RAP1GAP2: variants seen among roughly 807,000 people sequenced by gnomAD.
The protein encoded by RAP1GAP2 is RAP1 GTPase activating protein 2, also known as rap1 GTPase-activating protein 2.
Under a neutral mutation model 95.0 loss-of-function variants are expected in RAP1GAP2, and 27 were observed. That is an observed-to-expected ratio of 0.28 (90% confidence interval 0.21 to 0.39). The LOEUF (loss-of-function observed/expected upper bound fraction) is 0.39, where lower values mean the gene tolerates loss of function less well. Ranked by LOEUF, RAP1GAP2 falls within the 10% of genes least tolerant of loss-of-function variation. The probability of loss-of-function intolerance (pLI) is 1.00; values close to 1 mark genes in which losing one functional copy is unlikely to be tolerated. For missense variants in RAP1GAP2, 771 were observed against 970.0 expected (o/e 0.79, Z 2.72); for synonymous variants, 373 against 380.9 (o/e 0.98, Z 0.24).
chr17:3,007,463 C>A (rs546962729), intron 16 of RAP1GAP2, among the ~76,000 whole-genome samples: 1 of 152,288 alleles, frequency 6.6e-6, no homozygotes, highest in South Asian at 2.1e-4. Context: ...GTTGGGAAGA[C>A]TTGGTGGACT....
At chr17:2,834,432 G>A (rs2071042212) in intron 2 of RAP1GAP2, among the ~76,000 whole-genome samples, 1 of 152,178 alleles carries the variant, frequency 6.6e-6, no homozygotes, top group African/African-American at 2.4e-5. Context: ...GCAGTTGGGT[G>A]GGAAGAGGAT....
intron 16 of RAP1GAP2, 141 bp from the exon 17 acceptor site, chr17:3,007,870 G>T (rs2046384891): frequency 1.0e-6 from 1 of 1,003,790 alleles, no homozygotes; most frequent in East Asian, 2.6e-5. Context: ...ACGAAGCTCA[G>T]CTCAGCAGTA....
At position 2,904,801 on chromosome 17, in the gene RAP1GAP2, G is replaced by T. The variant is rs886403814; in HGVS notation, c.81-483G>T. Among the ~76,000 whole-genome samples the T allele has an allele frequency of 6.6e-6, 1 of 152,150 alleles. No individual in the cohort carries two copies. The highest frequency in any genetic ancestry group is 6.5e-5 in the Admixed American group (1 of 15,270). On this transcript the variant is annotated intron_variant, in intron 2 of 24. Transcript: ENST00000254695. This position sits in a 1 kb window ranked among gnomAD's most constrained non-coding sequence, Gnocchi z 4.7. ...TCCCAGGTGCCGCTGGTGGTCCAGG[G>T]ACCATACTTAGAGTAGCACTGCTTT...
intron 1 of RAP1GAP2, among the ~76,000 whole-genome samples, chr17:2,784,066 G>T (rs1407225477): frequency 6.6e-6 from 1 of 152,092 alleles, no homozygotes; most frequent in South Asian, 2.1e-4. Context: ...TCTACCTCCC[G>T]GGTTTAAGTG....
At chr17:2,973,337 G>A (rs1214756008) in intron 8 of RAP1GAP2, among the ~76,000 whole-genome samples, 2 of 152,028 alleles carry the variant, frequency 1.3e-5, no homozygotes, top group Non-Finnish European at 2.9e-5. Flanking sequence ...CCAATGTGGC[G>A]AAACCCTGTC....
chr17:2,800,425 T>C (rs1176039972), intron 1 of RAP1GAP2, 90 bp from the exon 2 acceptor site: 13 of 1,455,826 alleles, frequency 8.9e-6, no homozygotes, highest in African/African-American at 7.0e-5. Flanking sequence ...GTCTGGTGGT[T>C]TGGGCTGTCC....
In RAP1GAP2 at chr17:2,965,520, C is replaced by T. The variant is rs1473095139; in HGVS notation, c.493-20C>T. ...AAGGTTTCTTCCTCCTTCCTGCTCA[C>T]ACTCAGTTTCTTTTTTTAGGATCAT... On this transcript the variant is annotated intron_variant, in intron 7 of 24. Transcript: ENST00000254695. This position sits in a 1 kb window ranked among gnomAD's most constrained non-coding sequence, Gnocchi z 4.7. The T allele has an allele frequency of 4.4e-6, 7 of 1,583,968 alleles. No individual in the cohort carries two copies. The highest frequency in any genetic ancestry group is 6.0e-6 in the Non-Finnish European group (7 of 1,160,626).
chr17:2,887,961 G>A (rs79473877), intron 2 of RAP1GAP2, among the ~76,000 whole-genome samples: 6,746 of 152,212 alleles, frequency 0.044, 198 homozygotes, highest in Middle Eastern at 0.068. Flanking sequence ...AGTGTGAACC[G>A]CTGCGCCTGG....
At chr17:2,882,804 TTG>T (rs1394974188) in intron 2 of RAP1GAP2, among the ~76,000 whole-genome samples, 1 of 152,080 alleles carries the variant, frequency 6.6e-6, no homozygotes, top group African/African-American at 2.4e-5. Flanking sequence ...GGCGAGGACT[TTG>T]TGATACCATG....
intron 8 of RAP1GAP2, among the ~76,000 whole-genome samples, chr17:2,974,193 A>G (rs1166395689): frequency 6.6e-6 from 1 of 151,474 alleles, no homozygotes; most frequent in Non-Finnish European, 1.5e-5. Flanking sequence ...TACAAAAAAA[A>G]AAAAAATTAG....
intron 2 of RAP1GAP2, among the ~76,000 whole-genome samples, chr17:2,834,084 G>A (rs1050961842): frequency 1.3e-5 from 2 of 152,150 alleles, no homozygotes; most frequent in African/African-American, 4.8e-5. Flanking sequence ...GTCTTTTGCT[G>A]AGAATAACCT....
At chr17:2,892,026 G>A (rs2073743393) in intron 2 of RAP1GAP2, among the ~76,000 whole-genome samples, 1 of 151,894 alleles carries the variant, frequency 6.6e-6, no homozygotes, top group East Asian at 1.9e-4. Context: ...GTTTCACTAT[G>A]TTGGCCAGGC....
chr17:2,765,561 GA>G (rs1456842052), intron 1 of RAP1GAP2, among the ~76,000 whole-genome samples: 1 of 151,984 alleles, frequency 6.6e-6, no homozygotes, highest in Non-Finnish European at 1.5e-5. Flanking sequence ...CTAACATGGT[GA>G]AACCCCGTCT....
chr17:2,794,305 C>T (rs2069008667), upstream of RAP1GAP2, among the ~76,000 whole-genome samples: 1 of 152,128 alleles, frequency 6.6e-6, no homozygotes, highest in African/African-American at 2.4e-5. Flanking sequence ...CAGGCCTGGT[C>T]AGGTGCCCAC....
intron 3 of RAP1GAP2, among the ~76,000 whole-genome samples, chr17:2,935,006 T>G (rs771190397): frequency 6.6e-6 from 1 of 152,170 alleles, no homozygotes; most frequent in Admixed American, 6.6e-5. Context: ...CCTCTCAGCA[T>G]CCTGTACCAT....
intron 1 of RAP1GAP2, among the ~76,000 whole-genome samples, chr17:2,789,306 C>G (rs1020377978): frequency 6.6e-6 from 1 of 152,124 alleles, no homozygotes; most frequent in Non-Finnish European, 1.5e-5. Flanking sequence ...CCTTGTCCTC[C>G]CAAAGTGCTG....
At chr17:2,801,868 T>A (rs1268452205) in intron 2 of RAP1GAP2, among the ~76,000 whole-genome samples, 1 of 152,114 alleles carries the variant, frequency 6.6e-6, no homozygotes, top group Non-Finnish European at 1.5e-5. Context: ...TCCTTTTTCC[T>A]CTGCGTTTCT....
At chr17:2,785,476 A>G (rs1306623965) in intron 1 of RAP1GAP2, among the ~76,000 whole-genome samples, 1 of 151,976 alleles carries the variant, frequency 6.6e-6, no homozygotes, top group Non-Finnish European at 1.5e-5. Flanking sequence ...AAAAAAAGTG[A>G]TAATTATAAC....
chr17:2,948,754 G>A (rs1182136074), intron 3 of RAP1GAP2, among the ~76,000 whole-genome samples: 1 of 151,174 alleles, frequency 6.6e-6, no homozygotes, highest in Non-Finnish European at 1.5e-5. Flanking sequence ...CTGCCTGTCT[G>A]CAGGAGAAGC....
Sources: gnomAD v4.1 joint callset for allele counts (sites outside exome capture counted in the v4.1 genomes callset) on GRCh38, gnomAD v4.1.1 for gene constraint, Gnocchi (gnomAD v3.1) non-coding constraint, MANE v1.5 for transcripts, NCBI Gene and HGNC (gene_info 2026-07-23, HGNC 2026-07-21) for gene names.